The following SATB2 variants were observed in gnomAD, a reference collection of about 807,000 sequenced individuals.
The protein encoded by SATB2 is SATB homeobox 2.
SATB2 carries 1 observed loss-of-function variant against 73.4 expected under a neutral mutation model. The ratio of observed to expected loss-of-function variants is 0.01; its 90% confidence interval spans 0.00 to 0.06. The LOEUF (loss-of-function observed/expected upper bound fraction) is 0.06. SATB2 is among the 10% of genes least tolerant of loss of function. The probability of loss-of-function intolerance (pLI) is 1.00; values close to 1 mark genes in which losing one functional copy is unlikely to be tolerated. For missense variants in SATB2, 459 were observed against 945.8 expected (o/e 0.49, Z 6.75); for synonymous variants, 397 against 367.0 (o/e 1.08, Z -0.93).
At chr2:199,409,371 T>C (rs1038542972) in intron 3 of SATB2, among the ~76,000 whole-genome samples, 5 of 152,118 alleles carry the variant, frequency 3.3e-5, no homozygotes, top group African/African-American at 1.2e-4. Context: ...GGTTTCTCCA[T>C]GTCGGTCAGG....
intron 3 of SATB2, among the ~76,000 whole-genome samples, chr2:199,382,995 T>C (rs773122775): frequency 2.6e-4 from 39 of 152,272 alleles, no homozygotes; most frequent in Non-Finnish European, 4.9e-4. Context: ...CAATAGGAAA[T>C]GGACTTTCTG....
chr2:199,350,562 T>C (rs754876705), intron 6 of SATB2, among the ~76,000 whole-genome samples: 53 of 152,312 alleles, frequency 3.5e-4, no homozygotes, highest in Non-Finnish European at 1.0e-4. Context: ...AAAATGTATA[T>C]GTGGAAATAA....
chr2:199,400,309 T>A (rs1042798088), intron 3 of SATB2, among the ~76,000 whole-genome samples: 5 of 152,298 alleles, frequency 3.3e-5, no homozygotes, highest in Non-Finnish European at 4.4e-5. Context: ...AGATATCCAA[T>A]AAATATTTGG....
At chr2:199,282,178 G>T (rs1366318598) in intron 10 of SATB2, among the ~76,000 whole-genome samples, 1 of 152,092 alleles carries the variant, frequency 6.6e-6, no homozygotes, top group Non-Finnish European at 1.5e-5. Context: ...ACTGCGCCCG[G>T]CCCATATTCT....
intron 10 of SATB2, among the ~76,000 whole-genome samples, chr2:199,290,861 G>A (rs1006150048): frequency 6.6e-6 from 1 of 152,122 alleles, no homozygotes; most frequent in Non-Finnish European, 1.5e-5. Flanking sequence ...GACAAGAAAA[G>A]TTGCTGGAGG....
At chr2:199,470,159 C>T (rs964696846) in intron 1 of SATB2, 1 of 152,374 alleles carries the variant, frequency 6.6e-6, no homozygotes, top group African/African-American at 2.4e-5. Context: ...GCAAGAAAGT[C>T]TGGGCAGCTG....
rs957435423 is a variant in SATB2, at chr2:199,456,168, G to T, written c.-59-72C>A. 5.8e-6 allele frequency: 5 copies of T among 866,912 alleles called. No homozygotes were observed. In the African/African-American group the frequency reaches 6.6e-5, roughly 11 times the overall value. 53.7% of individuals were successfully genotyped at this position (866,912 alleles called of 1,614,324 possible). ...AAAACCGCTCATACACGTGATAGAC[G>T]TTCAGGCCAGTGGCAGAGCGCTGCA... On this transcript the variant is annotated intron_variant, in intron 1 of 10. Coordinates refer to ENST00000417098, the MANE Select transcript of SATB2 (RefSeq NM_001172509.2).
Position 199,348,779 on chromosome 2 carries a change from G to A in SATB2, c.1095C>T (p.Tyr365=), listed in dbSNP as rs1174425193. ...TCTTCAGCTCATCTCTGACTTGCTG[G>A]TAGATATCTGGAGAGACTTCCACGG... ...NSSVEVSPDI[Y]QQVRDELKRA... The change falls in exon 7 of 11, where the codon TAC becomes TAT. Residue 365 remains tyrosine (Y), a synonymous_variant. Transcript: ENST00000417098. 2.5e-6 allele frequency: 4 copies of A among 1,606,898 alleles called. No individual in the cohort carries two copies. The highest frequency in any genetic ancestry group is 3.4e-6 in the Non-Finnish European group (4 of 1,174,958).
At chr2:199,439,928 A>AC (rs962986098) in intron 2 of SATB2, among the ~76,000 whole-genome samples, 12 of 151,900 alleles carry the variant, frequency 7.9e-5, no homozygotes, top group South Asian at 2.1e-4. Flanking sequence ...ACATGGTGAG[A>AC]CCCCCGTATC....
At chr2:199,280,442 T>G (rs1692452351) in intron 10 of SATB2, among the ~76,000 whole-genome samples, 1 of 152,156 alleles carries the variant, frequency 6.6e-6, no homozygotes, top group Admixed American at 6.5e-5. Flanking sequence ...ACAAGAGAGA[T>G]AACCTTAAAC....
At chr2:199,278,903 T>A (rs932742862) in intron 10 of SATB2, among the ~76,000 whole-genome samples, 5 of 152,208 alleles carry the variant, frequency 3.3e-5, no homozygotes, top group Non-Finnish European at 5.9e-5. Flanking sequence ...AAGAATTTTT[T>A]AAAAAGTATA....
chr2:199,378,946 C>G (rs894480039), intron 5 of SATB2, among the ~76,000 whole-genome samples: 2 of 152,190 alleles, frequency 1.3e-5, no homozygotes, highest in African/African-American at 2.4e-5. Flanking sequence ...GCCTTCCTAT[C>G]TTCCAGAGAC....
intron 6 of SATB2, among the ~76,000 whole-genome samples, chr2:199,352,797 T>C (rs1172942884): frequency 6.6e-6 from 1 of 152,098 alleles, no homozygotes; most frequent in African/African-American, 2.4e-5. Context: ...TAGATTTTTT[T>C]TTGAAAAACA....
In SATB2 at chr2:199,345,197, C is replaced by T. The variant is rs75984921; in HGVS notation, c.1173+3504G>A. 6.1e-3 allele frequency among the ~76,000 whole-genome samples: 928 copies of T among 152,140 alleles called. 8 individuals are homozygous for T. Among genetic ancestry groups the T allele is most frequent in the African/African-American group, 0.021 (867 of 41,488 alleles). ...TCCCCTGACTCTTCCATTTCCTGTC[C>T]CAGGCTCTGTGACAACATCTCTAAT... On this transcript the variant is annotated intron_variant, in intron 7 of 10. Coordinates refer to ENST00000417098, the MANE Select transcript of SATB2 (RefSeq NM_001172509.2).
At chr2:199,276,915 C>G (rs1458239340) in intron 10 of SATB2, among the ~76,000 whole-genome samples, 2 of 152,248 alleles carry the variant, frequency 1.3e-5, no homozygotes, top group Non-Finnish European at 2.9e-5. Context: ...CAGAAACAAC[C>G]CAAGTGTCTA....
chr2:199,324,019 G>A, intron 8 of SATB2, 61 bp from the exon 9 acceptor site: 1 of 1,583,666 alleles, frequency 6.3e-7, no homozygotes. Flanking sequence ...AGCCATCTGT[G>A]CAGAAATTAT....
At chr2:199,316,533 G>A (rs1687739463) in intron 9 of SATB2, among the ~76,000 whole-genome samples, 1 of 151,868 alleles carries the variant, frequency 6.6e-6, no homozygotes, top group African/African-American at 2.4e-5. Context: ...ATTTTTACAG[G>A]GACCAATTTT....
chr2:199,463,657 G>C lies in SATB2; in HGVS notation c.-141+1179C>G, dbSNP rs1692529896. On this transcript the variant is annotated intron_variant, in intron 1 of 11. Transcript: ENST00000260926. The surrounding 1 kb of genome is among the most constrained non-coding windows in gnomAD (Gnocchi z 6.4). ...CCCTTCCGCGTCGCCTGCAGTCCAC[G>C]GGTTAAGGATGTGGCGGGGGATGGG... Among the ~76,000 whole-genome samples the C allele has an allele frequency of 6.6e-6, 1 of 152,194 alleles. No homozygotes were observed. The highest frequency in any genetic ancestry group is 1.5e-5 in the Non-Finnish European group (1 of 68,034).
At chr2:199,415,049 T>TGAGTGACTGTGAAGGATA (rs1409875298) in intron 3 of SATB2, among the ~76,000 whole-genome samples, 1 of 152,150 alleles carries the variant, frequency 6.6e-6, no homozygotes, top group Non-Finnish European at 1.5e-5. Context: ...GTTTATAGAA[T>TGAGTGACTGTGAAGGATA]GAGTGCAACA....
Sources: gnomAD v4.1 joint callset for allele counts (sites outside exome capture counted in the v4.1 genomes callset) on GRCh38, gnomAD v4.1.1 for gene constraint, Gnocchi (gnomAD v3.1) non-coding constraint, MANE v1.5 for transcripts, NCBI Gene and HGNC (gene_info 2026-07-23, HGNC 2026-07-21) for gene names.